ZNF136: variants seen among roughly 807,000 people sequenced by gnomAD.
ZNF136 encodes zinc finger protein 136 (clone pHZ-20).
ZNF136 carries 8 observed loss-of-function variants against 11.4 expected under a neutral mutation model. The observed-to-expected ratio is 0.70, with a 90% confidence interval of 0.41 to 1.27. The LOEUF (loss-of-function observed/expected upper bound fraction) is 1.27. Ranked by LOEUF, ZNF136 falls within the 50% of genes most tolerant of loss-of-function variation. ZNF136 has a pLI of 0.01. For synonymous variants in ZNF136, 190 were observed against 207.1 expected (o/e 0.92, Z 0.71); for missense variants, 590 against 656.5 (o/e 0.90, Z 1.11).
chr19:12,176,885 G>T (rs540451285), intron 1 of ZNF136, among the ~76,000 whole-genome samples: 2 of 152,142 alleles, frequency 1.3e-5, no homozygotes, highest in African/African-American at 4.8e-5. Flanking sequence ...GAGGGTTTGT[G>T]TGTCTACCTG....
At chr19:12,171,978 C>CTCT (rs1399754557) in intron 1 of ZNF136, among the ~76,000 whole-genome samples, 2 of 129,560 alleles carry the variant, frequency 1.5e-5, no homozygotes, top group African/African-American at 5.5e-5. Flanking sequence ...CTCTCTCTCT[C>CTCT]TTTTTTTTTT....
intron 1 of ZNF136, among the ~76,000 whole-genome samples, chr19:12,169,632 G>A (rs535800018): frequency 1.3e-5 from 2 of 148,604 alleles, no homozygotes; most frequent in South Asian, 2.1e-4. Flanking sequence ...TTTTTGAGAC[G>A]GACTCTCGCT....
chr19:12,176,682 TAAAC>T (rs1914801979), intron 1 of ZNF136, among the ~76,000 whole-genome samples: 1 of 152,152 alleles, frequency 6.6e-6, no homozygotes, highest in African/African-American at 2.4e-5. Context: ...GGTGCTGCGT[TAAAC>T]AGAGCTGAAC....
At chr19:12,170,014 T>G (rs1914605574) in intron 1 of ZNF136, among the ~76,000 whole-genome samples, 2 of 149,944 alleles carry the variant, frequency 1.3e-5, no homozygotes, top group Admixed American at 1.4e-4. Context: ...CAGGGTGGTC[T>G]CGATCTCCTG....
At chr19:12,186,045 G>T in intron 2 of ZNF136, 69 bp from the exon 3 acceptor site, 1 of 1,591,676 alleles carries the variant, frequency 6.3e-7, no homozygotes. Flanking sequence ...AGGGTATCAT[G>T]AACCTAGAAT....
intron 1 of ZNF136, among the ~76,000 whole-genome samples, chr19:12,178,128 GTT>G (rs1914845911): frequency 6.6e-6 from 1 of 152,052 alleles, no homozygotes; most frequent in Non-Finnish European, 1.5e-5. Context: ...AATAATAAAA[GTT>G]TTAAATTGGA....
At chr19:12,163,251 G>A in intron 1 of ZNF136, 45 bp downstream of exon 1, 3 of 1,360,466 alleles carry the variant, frequency 2.2e-6, no homozygotes, top group South Asian at 4.2e-5. Context: ...AGGAGGGGCT[G>A]GTTGGACGAC....
rs760990275 is a variant in ZNF136 at position 12,187,604 on chromosome 19, T to G, written c.1226T>G (p.Ile409Arg). The G allele has an allele frequency of 1.9e-6, 3 of 1,614,030 alleles. No individual in the cohort carries two copies. The highest frequency in any genetic ancestry group is 2.5e-6 in the Non-Finnish European group (3 of 1,179,970). Reference sequence around the variant, plus strand: ...TTTCATTCTCTGAGTCCATTTCGAATACATGAAAGAACTCACACTGGAGAG... The same window carrying G: ...TTTCATTCTCTGAGTCCATTTCGAAGACATGAAAGAACTCACACTGGAGAG... ...KPFHSLSPFR[I>R]HERTHTGEKP... The change falls in exon 4 of 4, where the codon ATA (isoleucine) becomes AGA (arginine). Residue 409 changes from isoleucine (I) to arginine (R), a missense_variant. By Grantham distance (97) the Ile-to-Arg change is moderately conservative. Coordinates refer to ENST00000343979, the MANE Select transcript of ZNF136 (RefSeq NM_003437.5).
rs76214148 is a variant in ZNF136, at chr19:12,188,242, A to G, written c.*241A>G. 1.1e-3 allele frequency: 386 copies of G among 362,120 alleles called. 6 individuals are homozygous for G. In the East Asian group the frequency reaches 0.015, roughly 14 times the overall value. The allele number at this position is 362,120 out of a possible 1,614,324, so 22.4% of individuals were successfully genotyped here. A position where few individuals can be genotyped will look rare whatever the true frequency, so the allele number is the denominator to read the frequency against. ...ACAAATGCTTTTTGGAAAGGAACCC[A>G]TATTTGAGAGAAACCCTGGGTAAAG... On this transcript the variant is annotated 3_prime_UTR_variant, in exon 4 of 4. Transcript: ENST00000343979.
intron 1 of ZNF136, among the ~76,000 whole-genome samples, chr19:12,184,051 C>T (rs967563050): frequency 6.2e-5 from 9 of 145,810 alleles, no homozygotes; most frequent in Non-Finnish European, 9.0e-5. Context: ...CAGATACTTG[C>T]GGTCAGGAGT....
chr19:12,170,503 T>G (rs1914627089), intron 1 of ZNF136, among the ~76,000 whole-genome samples: 1 of 151,674 alleles, frequency 6.6e-6, no homozygotes, highest in Non-Finnish European at 1.5e-5. Flanking sequence ...TCCTTCCATC[T>G]CACCCTCCCA....
At chr19:12,170,195 T>C (rs1371370296) in intron 1 of ZNF136, among the ~76,000 whole-genome samples, 1 of 152,004 alleles carries the variant, frequency 6.6e-6, no homozygotes, top group Non-Finnish European at 1.5e-5. Flanking sequence ...CCCAAAGTGC[T>C]GGGATTACAG....
Position 12,185,897 on chromosome 19 carries a change from A to G in ZNF136, c.116A>G (p.Asn39Ser), listed in dbSNP as rs757324940. 43 of 1,613,660 alleles carry G rather than the reference A, an allele frequency of 2.7e-5. No homozygotes were observed. The Middle Eastern group carries it at 6.6e-4, about 25-fold the overall frequency. ...YRDVMWETMR[N>S]LASIGKKWKD... ...GATGTGATGTGGGAAACCATGAGGA[A>G]TCTGGCCTCTATAGGTAAGGATTGT... is the stretch of plus-strand genomic sequence containing the variant. Residue 39 changes from asparagine to serine, a missense_variant, in exon 2 of 4, where the codon AAT (asparagine) becomes AGT (serine). Transcript: ENST00000343979.
At chr19:12,180,810 A>G (rs1222811145) in intron 1 of ZNF136, among the ~76,000 whole-genome samples, 1 of 152,238 alleles carries the variant, frequency 6.6e-6, no homozygotes, top group Non-Finnish European at 1.5e-5. Context: ...AATGCATGTA[A>G]TATGTGATGC....
At chr19:12,165,800 A>G (rs188600106) in intron 1 of ZNF136, among the ~76,000 whole-genome samples, 3 of 152,280 alleles carry the variant, frequency 2.0e-5, no homozygotes, top group East Asian at 3.9e-4. Flanking sequence ...ATTTATGGAG[A>G]TGATTCTGTA....
At chr19:12,172,103 C>T (rs1245943617) in intron 1 of ZNF136, among the ~76,000 whole-genome samples, 1 of 151,552 alleles carries the variant, frequency 6.6e-6, no homozygotes, top group African/African-American at 2.4e-5. Context: ...TTCAGCCTTC[C>T]GAGTAGCTGG....
chr19:12,165,194 G>GCATTACGC (rs1407731578), intron 1 of ZNF136, among the ~76,000 whole-genome samples: 1 of 152,190 alleles, frequency 6.6e-6, no homozygotes, highest in Non-Finnish European at 1.5e-5. Flanking sequence ...AATGCACTTT[G>GCATTACGC]GGTACACAGT....
intron 1 of ZNF136, among the ~76,000 whole-genome samples, chr19:12,182,622 C>T (rs557426186): frequency 7.9e-5 from 12 of 152,310 alleles, no homozygotes; most frequent in African/African-American, 2.9e-4. Context: ...AGGGGAAAGA[C>T]AGAAAATGAT....
At position 12,185,768 on chromosome 19, in the gene ZNF136, T is replaced by TTCTCCTCTCC; in HGVS notation, c.4-17_4-16insTCTCCTCTCC. ...TGTCTCACCCATTCTCCTCTCCACA[T>TTCTCCTCTCC]ATGTGGGATGTTTCAGGACTCGGTG... On this transcript the variant is annotated splice_polypyrimidine_tract_variant and intron_variant, in intron 1 of 3. Coordinates refer to ENST00000343979, the MANE Select transcript of ZNF136 (RefSeq NM_003437.5). 1 of 1,611,364 alleles carries TTCTCCTCTCC rather than the reference T, an allele frequency of 6.2e-7. No homozygotes were observed. The highest frequency in any genetic ancestry group is 8.5e-7 in the Non-Finnish European group (1 of 1,179,236).
Sources: gnomAD v4.1 joint callset for allele counts (sites outside exome capture counted in the v4.1 genomes callset) on GRCh38, gnomAD v4.1.1 for gene constraint, MANE v1.5 for transcripts, NCBI Gene and HGNC (gene_info 2026-07-23, HGNC 2026-07-21) for gene names.